Variants in LMO1 observed in about 807,000 individuals in gnomAD.
The protein encoded by LMO1 is rhombotin-1.
A neutral mutation model predicts 18.0 loss-of-function variants in LMO1; 10 were observed. The observed-to-expected ratio is 0.55, with a 90% CI of 0.34 to 0.94. The LOEUF is 0.94. Among genes scored for constraint, LMO1 ranks in the 40% least tolerant of loss-of-function variants. The probability of loss-of-function intolerance (pLI) is 0.02; values close to 1 mark genes in which losing one functional copy is unlikely to be tolerated. For synonymous variants in LMO1, 77 were observed against 77.9 expected (o/e 0.99, Z 0.06); for missense variants, 183 against 205.7 (o/e 0.89, Z 0.68).
upstream of LMO1, chr11:8,263,989 G>A: frequency 8.5e-6 from 4 of 472,880 alleles, no homozygotes; most frequent in African/African-American, 2.1e-5. Flanking sequence ...AGCGCCACCT[G>A]GAGGCTTCTA....
chr11:8,225,362 G>A (rs1037515), intron 3 of LMO1, among the ~76,000 whole-genome samples: 29,220 of 126,432 alleles, frequency 0.23, 3,680 homozygotes, highest in East Asian at 0.38. Flanking sequence ...CCGAGATCAC[G>A]CCACCACACT....
At chr11:8,253,981 A>G (rs1483966032) in intron 1 of LMO1, among the ~76,000 whole-genome samples, 2 of 152,210 alleles carry the variant, frequency 1.3e-5, no homozygotes, top group Non-Finnish European at 1.5e-5. Context: ...ATTTTGCTAA[A>G]CCAAAGTACA....
chr11:8,250,371 CTTTT>C (rs569866663), intron 1 of LMO1, among the ~76,000 whole-genome samples: 169 of 152,128 alleles, frequency 1.1e-3, no homozygotes, highest in African/African-American at 3.7e-3. Context: ...CTTCCTGGAT[CTTTT>C]TTTTGAGAAT....
At chr11:8,260,212 A>C (rs1021178637) in intron 1 of LMO1, among the ~76,000 whole-genome samples, 1 of 152,116 alleles carries the variant, frequency 6.6e-6, no homozygotes, top group Non-Finnish European at 1.5e-5. Context: ...GGCTCATTTG[A>C]CTTGGGTAGC....
intron 2 of LMO1, among the ~76,000 whole-genome samples, chr11:8,228,702 T>A (rs997945805): frequency 1.3e-5 from 2 of 150,996 alleles, no homozygotes; most frequent in Non-Finnish European, 2.9e-5. Context: ...GGCAGGGCCC[T>A]ATATGCTTGA....
chr11:8,246,557 G>A (rs1382163754), intron 1 of LMO1, among the ~76,000 whole-genome samples: 2 of 152,144 alleles, frequency 1.3e-5, no homozygotes, highest in Non-Finnish European at 2.9e-5. Flanking sequence ...ACTGCTAATG[G>A]GCTGAAGGTT....
upstream of LMO1, chr11:8,268,540 G>A: frequency 1.8e-6 from 2 of 1,105,952 alleles, no homozygotes; most frequent in Non-Finnish European, 2.3e-6. Flanking sequence ...TGCTCCCGCC[G>A]GCCCCGCGCG....
intron 1 of LMO1, among the ~76,000 whole-genome samples, chr11:8,235,308 T>G (rs1236767114): frequency 6.6e-6 from 1 of 152,250 alleles, no homozygotes; most frequent in Non-Finnish European, 1.5e-5. Flanking sequence ...ACATTTGATT[T>G]AACCTCCATC....
intron 1 of LMO1, among the ~76,000 whole-genome samples, chr11:8,250,653 G>C (rs1449427634): frequency 1.3e-5 from 2 of 152,254 alleles, no homozygotes; most frequent in Admixed American, 1.3e-4. Flanking sequence ...CTGGCTCGGG[G>C]GAGAGCAGCT....
At chr11:8,245,139 G>A (rs1054928051) in intron 1 of LMO1, among the ~76,000 whole-genome samples, 3 of 152,178 alleles carry the variant, frequency 2.0e-5, no homozygotes, top group African/African-American at 7.2e-5. Context: ...TCAGAGAGGT[G>A]GAACAACTTA....
At chr11:8,242,707 G>T (rs768438399) in intron 1 of LMO1, among the ~76,000 whole-genome samples, 1 of 152,196 alleles carries the variant, frequency 6.6e-6, no homozygotes, top group Non-Finnish European at 1.5e-5. Flanking sequence ...CGCAAAGCCC[G>T]CGTCACCCAT....
intron 1 of LMO1, among the ~76,000 whole-genome samples, chr11:8,256,693 TG>T (rs1482314133): frequency 4.2e-5 from 2 of 48,012 alleles, no homozygotes; most frequent in Non-Finnish European, 1.3e-4. Flanking sequence ...TCTCTGAGCA[TG>T]GCCTGGAATG....
At chr11:8,227,324 G>T (rs1952566531) in intron 2 of LMO1, among the ~76,000 whole-genome samples, 1 of 152,224 alleles carries the variant, frequency 6.6e-6, no homozygotes, top group Admixed American at 6.5e-5. Flanking sequence ...GGTGTGTAGG[G>T]GGTCAGGAGT....
At chr11:8,248,371 T>C (rs1010620514) in intron 1 of LMO1, among the ~76,000 whole-genome samples, 39 of 152,154 alleles carry the variant, frequency 2.6e-4, no homozygotes, top group South Asian at 2.1e-4. Flanking sequence ...GTGTGTGCCC[T>C]TGAGACAGCA....
At chr11:8,268,587 G>T, upstream of LMO1, 1 of 563,988 alleles carries the variant, frequency 1.8e-6, no homozygotes, top group Non-Finnish European at 2.6e-6. Flanking sequence ...GCCGACGGGG[G>T]CAGACGGACC....
chr11:8,234,014 G>A (rs1007777099), intron 1 of LMO1, among the ~76,000 whole-genome samples: 2 of 152,130 alleles, frequency 1.3e-5, no homozygotes, highest in African/African-American at 2.4e-5. Context: ...TGATGTTTGC[G>A]CCGACACGCA....
intron 1 of LMO1, among the ~76,000 whole-genome samples, chr11:8,248,359 G>C (rs928942369): frequency 6.6e-6 from 1 of 152,256 alleles, no homozygotes; most frequent in African/African-American, 2.4e-5. Context: ...ACAGGGAGAA[G>C]AGTGTGTGCC....
chr11:8,237,248 A>G (rs1312708499), intron 1 of LMO1, among the ~76,000 whole-genome samples: 1 of 151,916 alleles, frequency 6.6e-6, no homozygotes, highest in Non-Finnish European at 1.5e-5. Context: ...AGGCCCGGGA[A>G]CTGCAGGGTA....
upstream of LMO1, among the ~76,000 whole-genome samples, chr11:8,266,668 C>T (rs187213620): frequency 6.6e-6 from 1 of 152,228 alleles, no homozygotes; most frequent in African/African-American, 2.4e-5. Flanking sequence ...GCCCCTCCAC[C>T]TGGCAGGAAA....
Sources: allele counts gnomAD v4.1 joint callset (sites outside exome capture counted in the v4.1 genomes callset), GRCh38; gene constraint gnomAD v4.1.1; transcripts MANE v1.5; gene names NCBI Gene and HGNC (gene_info 2026-07-23, HGNC 2026-07-21).